Variants in WDFY3 observed in about 807,000 individuals in gnomAD.
WDFY3 encodes the protein WD repeat and FYVE domain-containing protein 3.
A neutral mutation model predicts 409.6 loss-of-function variants in WDFY3; 66 were observed. The ratio of observed to expected loss-of-function variants is 0.16; its 90% confidence interval spans 0.13 to 0.20. The LOEUF is 0.20. WDFY3 is among the 10% of genes least tolerant of loss of function. The pLI, the probability that WDFY3 is intolerant of heterozygous loss-of-function variation, is 1.00. For synonymous variants in WDFY3, 1,521 were observed against 1,537.1 expected, an observed-to-expected ratio of 0.99 and a Z score of 0.25; for missense variants, 3,031 against 4,298.1, an observed-to-expected ratio of 0.71 and a Z score of 8.24.
At chr4:84,933,620 T>C (rs1297776198) in intron 1 of WDFY3, among the ~76,000 whole-genome samples, 2 of 152,122 alleles carry the variant, frequency 1.3e-5, no homozygotes, top group African/African-American at 2.4e-5. Flanking sequence ...CTAGATCTTA[T>C]ACATTCTTTC....
At chr4:84,801,544 T>A (rs960718880) in intron 17 of WDFY3, 106 bp downstream of exon 17, 1 of 1,225,524 alleles carries the variant, frequency 8.2e-7, no homozygotes, top group Non-Finnish European at 1.1e-6. Flanking sequence ...ATTTTGCCCA[T>A]AGATAACTGA....
At chr4:84,955,488 T>A (rs1247081641) in intron 1 of WDFY3, among the ~76,000 whole-genome samples, 1 of 152,188 alleles carries the variant, frequency 6.6e-6, no homozygotes, top group Non-Finnish European at 1.5e-5. Flanking sequence ...ATCTTCATCC[T>A]CTGAAGAGGA....
At chr4:84,749,051 C>T (rs1482949000) in intron 36 of WDFY3, among the ~76,000 whole-genome samples, 1 of 151,944 alleles carries the variant, frequency 6.6e-6, no homozygotes, top group South Asian at 2.1e-4. Context: ...ACAACACTGG[C>T]TATGGCTAAT....
chr4:84,730,793 ATC>A (rs984836365), intron 44 of WDFY3, among the ~76,000 whole-genome samples: 2 of 151,552 alleles, frequency 1.3e-5, no homozygotes, highest in Admixed American at 6.6e-5. Flanking sequence ...TAAAAAAAAA[ATC>A]TCTCTCTCTG....
At chr4:84,894,464 T>C (rs543701295) in intron 3 of WDFY3, among the ~76,000 whole-genome samples, 5 of 151,984 alleles carry the variant, frequency 3.3e-5, no homozygotes, top group South Asian at 4.2e-4. Context: ...TTTGAGACCA[T>C]CCTGGCCAAC....
At position 84,806,766 on chromosome 4, in the gene WDFY3, C is replaced by T. The variant is rs143908548; in HGVS notation, c.2429+1568G>A. Among the ~76,000 whole-genome samples, 861 of 151,988 alleles carry T rather than the reference C, an allele frequency of 5.7e-3. 9 individuals are homozygous for T. The highest frequency in any genetic ancestry group is 0.02 in the African/African-American group (820 of 41,440). ...GATTACAGGTGCACGCTGCCATGCC[C>T]GGCCAATTTTTTTTTTTGTATTTTA... On this transcript the variant is annotated intron_variant, in intron 15 of 67. Coordinates refer to ENST00000295888, the MANE Select transcript of WDFY3 (RefSeq NM_014991.6).
At chr4:84,832,949 G>C (rs1578730543) in intron 7 of WDFY3, among the ~76,000 whole-genome samples, 1 of 151,740 alleles carries the variant, frequency 6.6e-6, no homozygotes, top group South Asian at 2.1e-4. Context: ...TAAAAGCAAA[G>C]ATATTTTGAA....
rs375963137 is a variant in WDFY3 at position 84,966,580 on chromosome 4, C to T, written c.-597G>A. On this transcript the variant is annotated 5_prime_UTR_variant, in exon 1 of 68. Transcript: ENST00000295888. ...TTCTCTCCATCAAGGCCGGGCCGAC[C>T]CGCAGGGACCATCCCGGAAAGTGAG... Among the ~76,000 whole-genome samples, 13 of 152,208 alleles carry T rather than the reference C, an allele frequency of 8.5e-5. No individual in the cohort carries two copies. The East Asian group carries it at 2.5e-3, about 30-fold the overall frequency.
chr4:84,743,384 G>A (rs1738799248), intron 37 of WDFY3, among the ~76,000 whole-genome samples: 1 of 152,118 alleles, frequency 6.6e-6, no homozygotes, highest in Admixed American at 6.5e-5. Context: ...AACAGATTAT[G>A]TGTAAGTATT....
intron 3 of WDFY3, among the ~76,000 whole-genome samples, chr4:84,862,762 TG>T (rs778149751): frequency 7.2e-5 from 11 of 151,746 alleles, no homozygotes; most frequent in Non-Finnish European, 1.2e-4. Flanking sequence ...CCTAGGCGGG[TG>T]GATCACGAGG....
At chr4:84,940,468 A>T (rs1020967294) in intron 1 of WDFY3, among the ~76,000 whole-genome samples, 62 of 152,054 alleles carry the variant, frequency 4.1e-4, no homozygotes, top group African/African-American at 1.2e-3. Context: ...TATATTTTTT[A>T]AAAAAAGGTT....
At chr4:84,712,373 TAAAAAAAA>T (rs998951453) in intron 51 of WDFY3, among the ~76,000 whole-genome samples, 4 of 75,106 alleles carry the variant, frequency 5.3e-5, no homozygotes, top group African/African-American at 2.0e-4. Flanking sequence ...AGAAAAAAAT[TAAAAAAAA>T]AAAAAAAAAA....
intron 3 of WDFY3, among the ~76,000 whole-genome samples, chr4:84,862,899 C>T (rs1760855185): frequency 6.6e-6 from 1 of 152,210 alleles, no homozygotes; most frequent in African/African-American, 2.4e-5. Flanking sequence ...CACCATTCTA[C>T]TCTCTACTTC....
intron 1 of WDFY3, among the ~76,000 whole-genome samples, chr4:84,955,353 T>C (rs2151155379): frequency 6.6e-6 from 1 of 152,308 alleles, no homozygotes; most frequent in East Asian, 1.9e-4. Context: ...TGAATTACCC[T>C]GTGGAAACAA....
intron 56 of WDFY3, among the ~76,000 whole-genome samples, chr4:84,700,479 C>A (rs191359031): frequency 3.9e-5 from 6 of 152,318 alleles, no homozygotes; most frequent in Admixed American, 3.3e-4. Context: ...GCTGGGATTA[C>A]AGGTGTGAGC....
intron 2 of WDFY3, among the ~76,000 whole-genome samples, chr4:84,898,402 G>A (rs533241976): frequency 1.3e-5 from 2 of 152,280 alleles, no homozygotes; most frequent in African/African-American, 4.8e-5. Flanking sequence ...GCCCAAGCCC[G>A]CAGAAAGTAG....
chr4:84,919,869 T>C (rs1173659352), intron 2 of WDFY3, among the ~76,000 whole-genome samples: 3 of 152,116 alleles, frequency 2.0e-5, no homozygotes, highest in Non-Finnish European at 2.9e-5. Flanking sequence ...ATAGTAACTA[T>C]ATAGTGGAAA....
At chr4:84,746,901 TCA>T (rs141003883) in intron 36 of WDFY3, among the ~76,000 whole-genome samples, 1,994 of 152,188 alleles carry the variant, frequency 0.013, 20 homozygotes, top group Non-Finnish European at 0.017. Flanking sequence ...GATTCAAATC[TCA>T]GTTTCTGTGA....
chr4:84,742,500 A>C (rs913232139), intron 37 of WDFY3, among the ~76,000 whole-genome samples: 2 of 152,066 alleles, frequency 1.3e-5, no homozygotes, highest in Non-Finnish European at 1.5e-5. Flanking sequence ...CTTTCAGACT[A>C]ATCCTCCTAG....
Sources: gnomAD v4.1 joint callset for allele counts (sites outside exome capture counted in the v4.1 genomes callset) on GRCh38, gnomAD v4.1.1 for gene constraint, MANE v1.5 for transcripts, NCBI Gene and HGNC (gene_info 2026-07-23, HGNC 2026-07-21) for gene names.